Variants in RNF34 observed in about 807,000 individuals in gnomAD.
RNF34 encodes the protein ring finger protein 34.
Under a neutral mutation model 37.9 loss-of-function variants are expected in RNF34, and 12 were observed. That is an observed-to-expected ratio of 0.32 (90% CI 0.20 to 0.51). The LOEUF (loss-of-function observed/expected upper bound fraction) is 0.51, where lower values mean the gene tolerates loss of function less well. Ranked by LOEUF, RNF34 falls within the 20% of genes least tolerant of loss-of-function variation. RNF34 has a pLI of 0.97. For missense variants in RNF34, 362 were observed against 472.7 expected, an observed-to-expected ratio of 0.77 and a Z score of 2.17; for synonymous variants, 155 against 177.2, an observed-to-expected ratio of 0.87 and a Z score of 1.00.
Position 121,420,332 on chromosome 12 carries a change from C to T in RNF34, c.724C>T (p.Arg242Trp), listed in dbSNP as rs184904177. The T allele has an allele frequency of 3.2e-6, 5 of 1,560,632 alleles. No homozygotes were observed. Among genetic ancestry groups the T allele is most frequent in the African/African-American group, 1.4e-5 (1 of 73,292 alleles). ...DDDEEENAED[R>W]NPGLSKERVR... ...TGATGAAGAAGAAAACGCAGAGGAT[C>T]GGGTGAGGCCACCTATAAAATTTGG... Residue 242 changes from arginine to tryptophan, a missense_variant and splice_region_variant, in exon 4 of 6, where the codon CGG (arginine) becomes TGG (tryptophan). Arg to Trp is a moderately radical substitution (Grantham distance 101). Coordinates refer to ENST00000361234, the MANE Select transcript of RNF34 (RefSeq NM_025126.4).
chr12:121,408,177 A>G (rs1419354820), intron 1 of RNF34, among the ~76,000 whole-genome samples: 1 of 152,180 alleles, frequency 6.6e-6, no homozygotes, highest in Admixed American at 6.6e-5. Flanking sequence ...GTGGTGGCTC[A>G]CGCCTGTAAT....
chr12:121,405,530 C>T (rs893339423), intron 1 of RNF34, among the ~76,000 whole-genome samples: 2 of 152,190 alleles, frequency 1.3e-5, no homozygotes, highest in Admixed American at 6.5e-5. Context: ...GTCACCTAGG[C>T]TGGAGTGCAG....
At position 121,417,780 on chromosome 12, in the gene RNF34, A is replaced by G; in HGVS notation, c.502A>G (p.Arg168Gly). 6.2e-7 allele frequency: 1 copy of G among 1,614,202 alleles called. No individual in the cohort carries two copies. Among genetic ancestry groups the G allele is most frequent in the Non-Finnish European group, 8.5e-7 (1 of 1,180,030 alleles). ...DMDTSSLNSS[R>G]SQTSSFFTRS... ...GGACACAAGCAGTCTGAATTCTTCA[A>G]GGTCCCAGACTTCTAGCTTTTTTAC... The change falls in exon 3 of 6, where the codon AGG (arginine) becomes GGG (glycine). Residue 168 changes from arginine (R) to glycine (G), a missense_variant. Coordinates refer to ENST00000361234, the MANE Select transcript of RNF34 (RefSeq NM_025126.4). The surrounding 1 kb of genome is among the most constrained non-coding windows in gnomAD (Gnocchi z 5.0).
chr12:121,405,681 A>G (rs1870460323), intron 1 of RNF34, among the ~76,000 whole-genome samples: 1 of 152,106 alleles, frequency 6.6e-6, no homozygotes, highest in African/African-American at 2.4e-5. Context: ...ACGGGGTTTC[A>G]CCATGTTGAC....
chr12:121,406,644 A>T (rs891541084), intron 1 of RNF34, among the ~76,000 whole-genome samples: 10 of 152,200 alleles, frequency 6.6e-5, no homozygotes, highest in African/African-American at 7.2e-5. Context: ...CAGGCAGACC[A>T]TGGTCCTATG....
rs782086917 is a variant in RNF34, at chr12:121,416,260, C to T, written c.108C>T (p.Thr36=). The change falls in exon 2 of 6, where the codon ACC becomes ACT. Residue 36 remains threonine, a synonymous_variant. Transcript: ENST00000361234. ...AGCAGTCAGCATTTGCAGGAGCCACCGGTCCATTCAGATTTACACCAAACC... is the reference window on the plus strand; with the variant it reads ...AGCAGTCAGCATTTGCAGGAGCCACTGGTCCATTCAGATTTACACCAAACC... The part of the protein sequence containing the change: ...RGQQSAFAGA[T]GPFRFTPNPE... 69 of 1,613,866 alleles carry T rather than the reference C, an allele frequency of 4.3e-5. No homozygotes were observed. The highest frequency in any genetic ancestry group is 5.5e-5 in the South Asian group (5 of 91,076).
intron 1 of RNF34, among the ~76,000 whole-genome samples, chr12:121,403,765 A>T (rs1167785739): frequency 1.3e-5 from 2 of 152,162 alleles, no homozygotes; most frequent in Non-Finnish European, 2.9e-5. Flanking sequence ...TCATCCTTAA[A>T]ATAACTGTGT....
intron 1 of RNF34, chr12:121,402,764 C>A (rs202069016): frequency 1.9e-6 from 3 of 1,606,370 alleles, no homozygotes; most frequent in Non-Finnish European, 2.6e-6. Flanking sequence ...TACTAAGGAT[C>A]AAGTATACTG....
intron 1 of RNF34, among the ~76,000 whole-genome samples, chr12:121,405,749 G>T (rs1870466540): frequency 6.6e-6 from 1 of 151,478 alleles, no homozygotes; most frequent in Non-Finnish European, 1.5e-5. Context: ...CTCCCAAAGT[G>T]CTGGGATCAC....
chr12:121,402,670 G>T lies in RNF34; in HGVS notation c.6+2452G>T, dbSNP rs553074342. On this transcript the variant is annotated intron_variant, in intron 1 of 5. Transcript: ENST00000361234. ...ATTGTGCTAATCTGGGTTCTTCCAAGCTCAAAATGAGATATCAAGGAGAAA... is the reference window on the plus strand; with the variant it reads ...ATTGTGCTAATCTGGGTTCTTCCAATCTCAAAATGAGATATCAAGGAGAAA... 19 of 935,336 alleles carry T rather than the reference G, an allele frequency of 2.0e-5. No homozygotes were observed. In the African/African-American group the frequency reaches 3.0e-4, roughly 15 times the overall value. 57.9% of individuals were successfully genotyped at this position (935,336 alleles called of 1,614,324 possible). A position where few individuals can be genotyped will look rare whatever the true frequency, so the allele number is the denominator to read the frequency against.
chr12:121,421,248 T>C (rs927490417), intron 5 of RNF34, among the ~76,000 whole-genome samples: 23 of 151,968 alleles, frequency 1.5e-4, no homozygotes, highest in Middle Eastern at 3.4e-3. Context: ...TAAGAACTTC[T>C]GAACTAGGCT....
intron 3 of RNF34, 164 bp downstream of exon 3, chr12:121,418,075 A>T (rs1555282606): frequency 2.7e-6 from 2 of 747,680 alleles, no homozygotes; most frequent in Non-Finnish European, 4.3e-6. Context: ...GTCCTGATGT[A>T]TAGTGTCTGC....
At chr12:121,419,940 C>T (rs1871966943) in intron 3 of RNF34, 1 of 287,002 alleles carries the variant, frequency 3.5e-6, no homozygotes, top group African/African-American at 2.2e-5. Flanking sequence ...AGTGCTGTCC[C>T]ATATCCTTAA....
At chr12:121,400,852 A>G (rs1341965715) in intron 1 of RNF34, among the ~76,000 whole-genome samples, 4 of 152,094 alleles carry the variant, frequency 2.6e-5, no homozygotes, top group African/African-American at 9.7e-5. Context: ...AGAGCGTGGG[A>G]GCATTACTGA....
intron 3 of RNF34, chr12:121,419,871 G>A (rs1364317012): frequency 5.8e-6 from 1 of 173,576 alleles, no homozygotes. Flanking sequence ...GCTTTTTTCT[G>A]TCTGCATCTT....
chr12:121,409,231 C>T (rs979575858), intron 1 of RNF34, among the ~76,000 whole-genome samples: 19 of 152,160 alleles, frequency 1.2e-4, no homozygotes, highest in African/African-American at 3.1e-4. Flanking sequence ...CTGCTGGCCT[C>T]GGCCTCCCAA....
intron 1 of RNF34, chr12:121,402,771 A>G: frequency 6.2e-7 from 1 of 1,608,614 alleles, no homozygotes; most frequent in Non-Finnish European, 8.5e-7. Context: ...GATCAAGTAT[A>G]CTGTTAAAAG....
chr12:121,422,917 G>A (rs367731648), intron 5 of RNF34, among the ~76,000 whole-genome samples: 5 of 102,540 alleles, frequency 4.9e-5, no homozygotes, highest in Non-Finnish European at 7.3e-5. Flanking sequence ...CTTTCCTAAG[G>A]GGGAACTAAG....
intron 1 of RNF34, among the ~76,000 whole-genome samples, chr12:121,415,610 TTTTTAAATAAATAAATTTA>T (rs1871491837): frequency 6.6e-6 from 1 of 152,084 alleles, no homozygotes; most frequent in African/African-American, 2.4e-5. Context: ...TGAGACCCTG[TTTTTAAATAAATAAATTTA>T]TTTTAAATAA....
Sources: gnomAD v4.1 joint callset for allele counts (sites outside exome capture counted in the v4.1 genomes callset) on GRCh38, gnomAD v4.1.1 for gene constraint, Gnocchi (gnomAD v3.1) non-coding constraint, MANE v1.5 for transcripts, NCBI Gene and HGNC (gene_info 2026-07-23, HGNC 2026-07-21) for gene names.